The following ADAMTS3 variants were observed in gnomAD, a reference collection of about 807,000 sequenced individuals.
ADAMTS3 encodes the protein A disintegrin and metalloproteinase with thrombospondin motifs 3.
A neutral mutation model predicts 129.0 loss-of-function variants in ADAMTS3; 73 were observed. The observed-to-expected ratio is 0.57, with a 90% CI of 0.47 to 0.69. The LOEUF is 0.69. Ranked by LOEUF, ADAMTS3 falls within the 30% of genes least tolerant of loss-of-function variation. The pLI is 0.00. For missense variants in ADAMTS3, 1,457 were observed against 1,514.5 expected (o/e 0.96, Z 0.63); for synonymous variants, 477 against 510.8 (o/e 0.93, Z 0.89).
intron 3 of ADAMTS3, among the ~76,000 whole-genome samples, chr4:72,498,844 A>C (rs898066750): frequency 6.6e-6 from 1 of 152,104 alleles, no homozygotes; most frequent in African/African-American, 2.4e-5. Flanking sequence ...AGAAGTAAAT[A>C]ATCTGAATGT....
At chr4:72,497,610 T>C (rs900462972) in intron 3 of ADAMTS3, among the ~76,000 whole-genome samples, 2 of 151,630 alleles carry the variant, frequency 1.3e-5, no homozygotes, top group Non-Finnish European at 2.9e-5. Flanking sequence ...TTAAGGAAAG[T>C]ATATTTTTAT....
chr4:72,443,112 T>C (rs1255247207), intron 3 of ADAMTS3, among the ~76,000 whole-genome samples: 1 of 151,680 alleles, frequency 6.6e-6, no homozygotes, highest in Non-Finnish European at 1.5e-5. Flanking sequence ...GACTGAAACA[T>C]GGGAAGTAAT....
chr4:72,451,805 A>G (rs1489863130), intron 3 of ADAMTS3, among the ~76,000 whole-genome samples: 1 of 151,858 alleles, frequency 6.6e-6, no homozygotes, highest in Non-Finnish European at 1.5e-5. Context: ...CAATAGCTTT[A>G]AAGTTTGGAG....
chr4:72,320,747 T>C lies in ADAMTS3; in HGVS notation c.1069A>G (p.Thr357Ala). Residue 357 changes from threonine (T) to alanine (A), a missense_variant, in exon 7 of 22, where the codon ACC becomes GCC. Transcript: ENST00000286657. ...CCAGCAGGTCCAAAGTCTTGCCTGG[T>C]TAAAAAAATTGCATGGTCATGGTGT... ...SEHHDHAIFL[T>A]RQDFGPAGMQ... is the part of the protein sequence containing the mutation. The C allele has an allele frequency of 6.2e-7, 1 of 1,613,910 alleles. No individual in the cohort carries two copies. Among genetic ancestry groups the C allele is most frequent in the Non-Finnish European group, 8.5e-7 (1 of 1,179,870 alleles).
At chr4:72,562,689 A>G (rs1466746443) in intron 2 of ADAMTS3, among the ~76,000 whole-genome samples, 1 of 152,206 alleles carries the variant, frequency 6.6e-6, no homozygotes, top group Non-Finnish European at 1.5e-5. Context: ...TTAAGAATCC[A>G]GAAAAATTAA....
chr4:72,538,083 C>T (rs1307785409), intron 3 of ADAMTS3, among the ~76,000 whole-genome samples: 1 of 151,984 alleles, frequency 6.6e-6, no homozygotes, highest in Non-Finnish European at 1.5e-5. Flanking sequence ...ACGGAAATAC[C>T]AAGTCTGAGA....
chr4:72,552,556 C>T (rs1161956297), intron 2 of ADAMTS3, among the ~76,000 whole-genome samples: 2 of 152,114 alleles, frequency 1.3e-5, no homozygotes, highest in Non-Finnish European at 2.9e-5. Context: ...CTGCTCTTCC[C>T]CTTAATGGAT....
intron 3 of ADAMTS3, among the ~76,000 whole-genome samples, chr4:72,504,979 C>A (rs910681416): frequency 2.0e-5 from 3 of 152,086 alleles, no homozygotes; most frequent in Non-Finnish European, 4.4e-5. Flanking sequence ...TAGAAGATTT[C>A]TTTGTGTTGA....
chr4:72,550,621 G>A (rs1518477), intron 2 of ADAMTS3, among the ~76,000 whole-genome samples: 106,856 of 152,004 alleles, frequency 0.7, 37,853 homozygotes, highest in African/African-American at 0.79. Flanking sequence ...AGACAGTGCA[G>A]TCCCTGCTGA....
In ADAMTS3 at chr4:72,313,964, C is replaced by G. The variant is rs1719318162; in HGVS notation, c.1600-142G>C. 6.9e-6 allele frequency: 6 copies of G among 868,990 alleles called. 1 individual carries two copies. In the East Asian group the frequency reaches 1.6e-4, roughly 23 times the overall value. 53.8% of individuals were successfully genotyped at this position (868,990 alleles called of 1,614,324 possible). ...AGATGCATTTAAAATTATCCAAAAG[C>G]AATTATGTCATTAATATACCCTATT... On this transcript the variant is annotated intron_variant, in intron 11 of 21. Coordinates refer to ENST00000286657, the MANE Select transcript of ADAMTS3 (RefSeq NM_014243.3).
At chr4:72,311,239 A>G in intron 13 of ADAMTS3, 58 bp from the exon 14 acceptor site, 2 of 1,431,754 alleles carry the variant, frequency 1.4e-6, no homozygotes, top group Non-Finnish European at 1.9e-6. Flanking sequence ...TTTGAACAGC[A>G]TAGTTTATTT....
chr4:72,312,273 G>A lies in ADAMTS3; in HGVS notation c.1921+18C>T, dbSNP rs1317702949. ...GTAACCATCCACACAGCAGGAAGGAGAGCACGAGGCTACTCACGGTCAGGA... is the reference window on the plus strand; with the variant it reads ...GTAACCATCCACACAGCAGGAAGGAAAGCACGAGGCTACTCACGGTCAGGA... On this transcript the variant is annotated intron_variant, in intron 13 of 21. Transcript: ENST00000286657. 1 of 1,612,886 alleles carries A rather than the reference G, an allele frequency of 6.2e-7. No individual in the cohort carries two copies. The highest frequency in any genetic ancestry group is 1.3e-5 in the African/African-American group (1 of 74,880).
intron 4 of ADAMTS3, among the ~76,000 whole-genome samples, chr4:72,408,793 G>A (rs892043838): frequency 1.3e-5 from 2 of 151,546 alleles, no homozygotes; most frequent in African/African-American, 2.4e-5. Flanking sequence ...CCTTTGCAGG[G>A]ATATGGATGA....
chr4:72,446,860 A>G (rs567649452), intron 3 of ADAMTS3, among the ~76,000 whole-genome samples: 3 of 151,726 alleles, frequency 2.0e-5, no homozygotes, highest in East Asian at 3.9e-4. Context: ...TGAATCATGC[A>G]TGTAGGAAAC....
At chr4:72,533,673 A>AAATGTATATATACATATATATG (rs1721109905) in intron 3 of ADAMTS3, among the ~76,000 whole-genome samples, 2 of 151,372 alleles carry the variant, frequency 1.3e-5, no homozygotes, top group African/African-American at 2.4e-5. Flanking sequence ...GTATATGCAC[A>AAATGTATATATACATATATATG]TATATGCACA....
intron 3 of ADAMTS3, among the ~76,000 whole-genome samples, chr4:72,436,247 T>C (rs1158295488): frequency 1.3e-5 from 2 of 151,898 alleles, no homozygotes; most frequent in African/African-American, 2.4e-5. Flanking sequence ...AAAAGACACA[T>C]GAAAAAAATG....
rs74973868 is a variant in ADAMTS3 at position 72,375,893 on chromosome 4, A to G, written c.662-36200T>C. 2.6e-3 allele frequency among the ~76,000 whole-genome samples: 396 copies of G among 152,316 alleles called. 1 individual carries two copies. Among genetic ancestry groups the G allele is most frequent in the African/African-American group, 9.2e-3 (383 of 41,578 alleles). On this transcript the variant is annotated intron_variant, in intron 4 of 21. Transcript: ENST00000286657. ...AAGAAACTGAAAAGTACCCAGAGCTATAATCAGGGCATTATGTGGAATAAA... is the reference window on the plus strand; with the variant it reads ...AAGAAACTGAAAAGTACCCAGAGCTGTAATCAGGGCATTATGTGGAATAAA...
chr4:72,440,021 A>G (rs1718067193), intron 3 of ADAMTS3, among the ~76,000 whole-genome samples: 1 of 151,758 alleles, frequency 6.6e-6, no homozygotes, highest in Admixed American at 6.6e-5. Context: ...TATGCAGAAA[A>G]TCAGTTAAGA....
chr4:72,427,406 C>T (rs1190280483), intron 3 of ADAMTS3, among the ~76,000 whole-genome samples: 1 of 152,060 alleles, frequency 6.6e-6, no homozygotes, highest in Non-Finnish European at 1.5e-5. Context: ...GTATCAACCA[C>T]AGCCAGTTAT....
Sources: allele counts gnomAD v4.1 joint callset (sites outside exome capture counted in the v4.1 genomes callset), GRCh38; gene constraint gnomAD v4.1.1; transcripts MANE v1.5; gene names NCBI Gene and HGNC (gene_info 2026-07-23, HGNC 2026-07-21).